The following RIN2 variants were observed in gnomAD, a reference collection of about 807,000 sequenced individuals.
RIN2 encodes the protein RAB5 interacting protein 2.
In RIN2, 36 loss-of-function variants were observed where a neutral mutation model predicts 78.0. The ratio of observed to expected loss-of-function variants is 0.46; its 90% confidence interval spans 0.35 to 0.61. The LOEUF (loss-of-function observed/expected upper bound fraction) is 0.61. RIN2 is among the 20% of genes least tolerant of loss of function. The pLI, the probability that RIN2 is intolerant of heterozygous loss-of-function variation, is 0.00. For synonymous variants in RIN2, 466 were observed against 466.8 expected, an observed-to-expected ratio of 1.00 and a Z score of 0.02; for missense variants, 1,087 against 1,159.7, an observed-to-expected ratio of 0.94 and a Z score of 0.91.
intron 4 of RIN2, among the ~76,000 whole-genome samples, chr20:19,936,880 G>T (rs532785524): frequency 2.0e-4 from 31 of 152,092 alleles, no homozygotes; most frequent in Non-Finnish European, 4.0e-4. Context: ...TTTTTTAACA[G>T]AAAAGAAAGA....
At chr20:19,927,813 G>A (rs1362126909) in intron 3 of RIN2, among the ~76,000 whole-genome samples, 1 of 152,096 alleles carries the variant, frequency 6.6e-6, no homozygotes, top group Non-Finnish European at 1.5e-5. Flanking sequence ...GACTCCCACA[G>A]CACTGGGATT....
intron 4 of RIN2, among the ~76,000 whole-genome samples, chr20:19,944,500 T>C (rs962804598): frequency 2.0e-4 from 30 of 152,244 alleles, no homozygotes; most frequent in Non-Finnish European, 3.8e-4. Context: ...GACCCCTGCA[T>C]TGGCCTCTTG....
chr20:19,919,703 G>T (rs917274042), intron 3 of RIN2, among the ~76,000 whole-genome samples: 1 of 152,100 alleles, frequency 6.6e-6, no homozygotes, highest in African/African-American at 2.4e-5. Context: ...CTACTTGGGA[G>T]GTTGAGGCAG....
At chr20:19,783,717 C>T (rs565279180) in intron 1 of RIN2, among the ~76,000 whole-genome samples, 151 of 152,276 alleles carry the variant, frequency 9.9e-4, no homozygotes, top group Non-Finnish European at 1.9e-3. Flanking sequence ...ATAATTTACC[C>T]CATGGACAGC....
At chr20:19,761,467 T>C (rs1008191457) in intron 1 of RIN2, among the ~76,000 whole-genome samples, 7 of 152,220 alleles carry the variant, frequency 4.6e-5, no homozygotes, top group African/African-American at 1.7e-4. Context: ...CTCTTTAGAA[T>C]GACACCATAG....
chr20:19,851,038 G>GAGA (rs1250153923), intron 2 of RIN2, among the ~76,000 whole-genome samples: 11 of 88,364 alleles, frequency 1.2e-4, no homozygotes, highest in South Asian at 3.7e-4. Context: ...AGGAAGGAAG[G>GAGA]AAGGAAGGAA....
chr20:19,971,910 G>A (rs1042329721), intron 8 of RIN2, among the ~76,000 whole-genome samples: 2 of 151,908 alleles, frequency 1.3e-5, no homozygotes, highest in African/African-American at 2.4e-5. Context: ...CCCAGATAAT[G>A]TTTGTATTTT....
intron 2 of RIN2, among the ~76,000 whole-genome samples, chr20:19,855,532 A>G (rs1393413378): frequency 6.6e-6 from 1 of 152,014 alleles, no homozygotes; most frequent in Non-Finnish European, 1.5e-5. Flanking sequence ...TGGTTGGTAC[A>G]TTTGCCATCC....
intron 2 of RIN2, among the ~76,000 whole-genome samples, chr20:19,865,421 C>T (rs1321985074): frequency 6.6e-6 from 1 of 152,026 alleles, no homozygotes; most frequent in African/African-American, 2.4e-5. Context: ...AATACATACC[C>T]TGAGGGGTCC....
intron 2 of RIN2, among the ~76,000 whole-genome samples, chr20:19,850,935 C>G (rs1423947401): frequency 6.6e-5 from 10 of 150,574 alleles, no homozygotes; most frequent in Admixed American, 2.0e-4. Flanking sequence ...GATCGTGCCA[C>G]TGCACTCCAG....
Position 19,769,286 on chromosome 20 carries a change from A to G in RIN2, c.-163+10959A>G, listed in dbSNP as rs11908369. ...TTGGCTCTGAGTTCCTTGAAGGGTAAGTAATGAATAGGATAGAGGACATTG... is the reference window on the plus strand; with the variant it reads ...TTGGCTCTGAGTTCCTTGAAGGGTAGGTAATGAATAGGATAGAGGACATTG... On this transcript the variant is annotated intron_variant, in intron 1 of 12. Transcript: ENST00000255006. Among the ~76,000 whole-genome samples the G allele has an allele frequency of 6.6e-3, 1,001 of 152,302 alleles. 16 individuals are homozygous for G. Among genetic ancestry groups the G allele is most frequent in the African/African-American group, 0.023 (951 of 41,588 alleles).
intron 1 of RIN2, among the ~76,000 whole-genome samples, chr20:19,761,023 A>G (rs1338020964): frequency 6.6e-6 from 1 of 152,206 alleles, no homozygotes; most frequent in Non-Finnish European, 1.5e-5. Flanking sequence ...TGAATGAATG[A>G]ACAAAAGTGT....
chr20:19,838,095 T>G (rs1347043008), intron 2 of RIN2, among the ~76,000 whole-genome samples: 1 of 152,216 alleles, frequency 6.6e-6, no homozygotes, highest in Non-Finnish European at 1.5e-5. Flanking sequence ...CAAAAACATA[T>G]CTTCTCTCAT....
intron 3 of RIN2, among the ~76,000 whole-genome samples, chr20:19,913,227 T>C (rs2039548922): frequency 3.3e-5 from 5 of 152,140 alleles, no homozygotes; most frequent in Admixed American, 3.3e-4. Context: ...AGCTCTCAGA[T>C]CTTACTGTTT....
chr20:19,924,334 CCT>C (rs1259191612), intron 3 of RIN2, among the ~76,000 whole-genome samples: 4 of 23,672 alleles, frequency 1.7e-4, no homozygotes, highest in Admixed American at 5.3e-4. Context: ...TCATACCGCA[CCT>C]CTTCATACCC....
chr20:19,874,519 C>T (rs1013391415), intron 2 of RIN2, among the ~76,000 whole-genome samples: 26 of 152,288 alleles, frequency 1.7e-4, no homozygotes, highest in African/African-American at 2.9e-4. Context: ...CAGCACACCC[C>T]GTCATTATCT....
intron 4 of RIN2, among the ~76,000 whole-genome samples, chr20:19,949,331 T>A (rs954422307): frequency 6.6e-6 from 1 of 152,158 alleles, no homozygotes; most frequent in Non-Finnish European, 1.5e-5. Context: ...AGGTGTGGTT[T>A]TACACACATA....
At chr20:19,903,105 TAAATAA>T (rs1398917563) in intron 3 of RIN2, among the ~76,000 whole-genome samples, 5 of 152,022 alleles carry the variant, frequency 3.3e-5, no homozygotes, top group East Asian at 1.9e-4. Flanking sequence ...AAAAATAAAA[TAAATAA>T]AAATAAAATA....
intron 12 of RIN2, among the ~76,000 whole-genome samples, chr20:19,997,109 A>G (rs2042992769): frequency 6.6e-6 from 1 of 152,166 alleles, no homozygotes; most frequent in Admixed American, 6.5e-5. Context: ...CGATAAGTCA[A>G]AAAGGAGGAG....
Sources: allele counts gnomAD v4.1 joint callset (sites outside exome capture counted in the v4.1 genomes callset), GRCh38; gene constraint gnomAD v4.1.1; transcripts MANE v1.5; gene names NCBI Gene and HGNC (gene_info 2026-07-23, HGNC 2026-07-21).